The following TRAM2 variants were observed in gnomAD, a reference collection of about 807,000 sequenced individuals.
TRAM2 encodes translocating chain-associated membrane protein 2.
TRAM2 carries 12 observed loss-of-function variants against 51.0 expected under a neutral mutation model. The observed-to-expected ratio is 0.24, with a 90% CI of 0.15 to 0.38. TRAM2 has a LOEUF of 0.38. Among genes scored for constraint, TRAM2 ranks in the 10% least tolerant of loss-of-function variants. The pLI is 1.00. For synonymous variants in TRAM2, 175 were observed against 179.4 expected (o/e 0.98, Z 0.20); for missense variants, 361 against 462.0 (o/e 0.78, Z 2.00).
chr6:52,563,900 CA>C lies in TRAM2; in HGVS notation c.120+12895del, dbSNP rs11405486. 5.4e-3 allele frequency among the ~76,000 whole-genome samples: 767 copies of C among 142,878 alleles called. 8 individuals are homozygous for C. Among genetic ancestry groups the C allele is most frequent in the African/African-American group, 0.019 (717 of 38,664 alleles). The allele number at this position is 142,878 out of a possible 152,430, so 93.7% of individuals were successfully genotyped here. On this transcript the variant is annotated intron_variant, in intron 1 of 10. Coordinates refer to ENST00000182527, the MANE Select transcript of TRAM2 (RefSeq NM_012288.4). ...ATGTATCTCCTAATGGTACCTATTC[CA>C]AAAAAAAAAAATTTAAGCTTTAAAA...
At chr6:52,519,275 A>T (rs867750058) in intron 2 of TRAM2, among the ~76,000 whole-genome samples, 1 of 152,230 alleles carries the variant, frequency 6.6e-6, no homozygotes, top group African/African-American at 2.4e-5. Context: ...CTGTAACTCA[A>T]CAACAAAAAC....
intron 1 of TRAM2, among the ~76,000 whole-genome samples, chr6:52,557,207 T>C (rs75027260): frequency 0.12 from 16,287 of 137,200 alleles, 1,043 homozygotes; most frequent in Non-Finnish European, 0.14. Context: ...AAAAAAGATA[T>C]GTCTGGTGAG....
At chr6:52,520,652 A>G (rs1428757654) in intron 2 of TRAM2, among the ~76,000 whole-genome samples, 2 of 151,984 alleles carry the variant, frequency 1.3e-5, no homozygotes, top group East Asian at 3.8e-4. Context: ...AAAGTGAATG[A>G]GGAAAGAGTT....
chr6:52,548,268 C>T (rs961771120), intron 1 of TRAM2, among the ~76,000 whole-genome samples: 4 of 152,206 alleles, frequency 2.6e-5, no homozygotes, highest in Non-Finnish European at 5.9e-5. Flanking sequence ...TCCATTATCA[C>T]GAAGACGATA....
intron 2 of TRAM2, among the ~76,000 whole-genome samples, chr6:52,519,171 C>T (rs931789787): frequency 6.6e-6 from 1 of 152,202 alleles, no homozygotes; most frequent in Non-Finnish European, 1.5e-5. Flanking sequence ...CACTGGGAGA[C>T]GGCAGTGAGC....
At chr6:52,548,922 C>G (rs951617136) in intron 1 of TRAM2, among the ~76,000 whole-genome samples, 1 of 152,126 alleles carries the variant, frequency 6.6e-6, no homozygotes, top group Non-Finnish European at 1.5e-5. Flanking sequence ...TGTTAGTGCC[C>G]TGGGTTTGGA....
chr6:52,513,022 G>A (rs1213253583), intron 4 of TRAM2, among the ~76,000 whole-genome samples: 1 of 152,186 alleles, frequency 6.6e-6, no homozygotes, highest in African/African-American at 2.4e-5. Flanking sequence ...CACCCATCCT[G>A]CTTTCTCCAG....
At chr6:52,576,170 G>C (rs1282487737) in intron 1 of TRAM2, among the ~76,000 whole-genome samples, 1 of 152,228 alleles carries the variant, frequency 6.6e-6, no homozygotes, top group Non-Finnish European at 1.5e-5. Context: ...AGTTCACGGA[G>C]TGGTAAAGGA....
chr6:52,514,376 T>G (rs1008657794), intron 4 of TRAM2, among the ~76,000 whole-genome samples: 2 of 152,174 alleles, frequency 1.3e-5, no homozygotes, highest in Non-Finnish European at 2.9e-5. Flanking sequence ...TCAAATGTTG[T>G]TAGGAAGAGT....
At chr6:52,541,017 A>G (rs777639652) in intron 1 of TRAM2, among the ~76,000 whole-genome samples, 6 of 152,244 alleles carry the variant, frequency 3.9e-5, no homozygotes, top group Non-Finnish European at 8.8e-5. Context: ...TTGTGTAGCC[A>G]TAACAAACCA....
intron 1 of TRAM2, among the ~76,000 whole-genome samples, chr6:52,547,358 G>C (rs529630272): frequency 6.6e-6 from 1 of 152,284 alleles, no homozygotes; most frequent in East Asian, 1.9e-4. Flanking sequence ...CTGGGCCTGG[G>C]CAGCTTTTGT....
At position 52,504,733 on chromosome 6, in the gene TRAM2, C is replaced by T. The variant is rs1383047167; in HGVS notation, c.897G>A (p.Val299=). ...LFCRLCVLLL[V]CAAQAWLMWR... ...ACATGAGCCAGGCCTGGGCGGCACA[C>T]ACCAGCAGCAGCACGCAGAGCCTGC... Residue 299 remains valine (V), a synonymous_variant, in exon 10 of 11, where the codon GTG becomes GTA. Transcript: ENST00000182527. The T allele has an allele frequency of 3.7e-6, 6 of 1,608,950 alleles. No homozygotes were observed. Among genetic ancestry groups the T allele is most frequent in the Non-Finnish European group, 5.1e-6 (6 of 1,178,574 alleles).
At chr6:52,549,282 T>C (rs371318109) in intron 1 of TRAM2, among the ~76,000 whole-genome samples, 150 of 139,308 alleles carry the variant, frequency 1.1e-3, no homozygotes, top group African/African-American at 3.7e-3. Flanking sequence ...CTCCCTCCCT[T>C]CCTTCCAAAA....
chr6:52,560,522 T>C (rs1247847466), intron 1 of TRAM2, among the ~76,000 whole-genome samples: 1 of 152,256 alleles, frequency 6.6e-6, no homozygotes, highest in South Asian at 2.1e-4. Context: ...TATTCCATTG[T>C]ATGGCTATAC....
intron 2 of TRAM2, chr6:52,517,221 C>T (rs1333547987): frequency 6.5e-6 from 1 of 154,990 alleles, no homozygotes; most frequent in African/African-American, 2.4e-5. Flanking sequence ...CAGCTCTGTC[C>T]TATGTGACCC....
At chr6:52,535,669 G>C in intron 2 of TRAM2, 114 bp downstream of exon 2, 1 of 847,068 alleles carries the variant, frequency 1.2e-6, no homozygotes, top group South Asian at 1.7e-5. Flanking sequence ...TGACAGAGCA[G>C]AGACTCCGTC....
chr6:52,557,159 C>T (rs1381838323), intron 1 of TRAM2, among the ~76,000 whole-genome samples: 1 of 149,978 alleles, frequency 6.7e-6, no homozygotes, highest in African/African-American at 2.4e-5. Flanking sequence ...CACCGTTGCA[C>T]TCCAGCCTGG....
chr6:52,508,948 C>G (rs1041698726), intron 5 of TRAM2, among the ~76,000 whole-genome samples: 1 of 152,172 alleles, frequency 6.6e-6, no homozygotes, highest in Admixed American at 6.5e-5. Context: ...GCAGGAGAAT[C>G]GCTTAAACCC....
At chr6:52,547,116 G>C (rs750433687) in intron 1 of TRAM2, among the ~76,000 whole-genome samples, 30 of 152,186 alleles carry the variant, frequency 2.0e-4, no homozygotes, top group Non-Finnish European at 3.7e-4. Flanking sequence ...GCTCAACTCT[G>C]AAGGAAAGCA....
Sources: gnomAD v4.1 joint callset for allele counts (sites outside exome capture counted in the v4.1 genomes callset) on GRCh38, gnomAD v4.1.1 for gene constraint, MANE v1.5 for transcripts, NCBI Gene and HGNC (gene_info 2026-07-23, HGNC 2026-07-21) for gene names.